MED27: variants seen among roughly 807,000 people sequenced by gnomAD.
MED27 encodes mediator complex subunit 27.
A neutral mutation model predicts 38.2 loss-of-function variants in MED27; 30 were observed. That is an observed-to-expected ratio of 0.79 (90% CI 0.59 to 1.07). The LOEUF (loss-of-function observed/expected upper bound fraction) is 1.07. MED27 is among the 50% of genes least tolerant of loss of function. MED27 has a pLI of 0.00. For synonymous variants in MED27, 122 were observed against 153.5 expected (o/e 0.79, Z 1.52); for missense variants, 289 against 397.5 (o/e 0.73, Z 2.32).
At chr9:131,980,217 G>A (rs1380175179) in intron 3 of MED27, among the ~76,000 whole-genome samples, 1 of 144,716 alleles carries the variant, frequency 6.9e-6, no homozygotes, top group Non-Finnish European at 1.5e-5. Context: ...TGGCGGGGGG[G>A]AGAGGGAGGA....
At chr9:132,022,418 G>A (rs1832736268) in intron 2 of MED27, among the ~76,000 whole-genome samples, 1 of 152,182 alleles carries the variant, frequency 6.6e-6, no homozygotes, top group Non-Finnish European at 1.5e-5. Context: ...TAGGACATTA[G>A]TTTTTAAACA....
intron 2 of MED27, among the ~76,000 whole-genome samples, chr9:132,071,521 C>T (rs1833936733): frequency 6.6e-6 from 1 of 151,908 alleles, no homozygotes; most frequent in African/African-American, 2.4e-5. Context: ...CATGAGCACA[C>T]ACACATGCGA....
At chr9:131,893,832 C>G in intron 5 of MED27, 53 bp downstream of exon 5, 1 of 1,310,002 alleles carries the variant, frequency 7.6e-7, no homozygotes, top group Non-Finnish European at 1.1e-6. Flanking sequence ...TTCGACTACA[C>G]TTGTTCTGGG....
intron 2 of MED27, among the ~76,000 whole-genome samples, chr9:132,042,240 G>A (rs1298271832): frequency 6.6e-6 from 1 of 152,202 alleles, no homozygotes; most frequent in Non-Finnish European, 1.5e-5. Flanking sequence ...ACTACCGGCA[G>A]CTACAGTTAT....
At chr9:131,992,427 T>A (rs1396928870) in intron 3 of MED27, among the ~76,000 whole-genome samples, 2 of 152,150 alleles carry the variant, frequency 1.3e-5, no homozygotes, top group Non-Finnish European at 2.9e-5. Flanking sequence ...GGAGTCTCAC[T>A]CTGTTGCCCA....
intron 4 of MED27, among the ~76,000 whole-genome samples, chr9:131,926,389 T>G (rs1830484356): frequency 1.3e-5 from 2 of 152,154 alleles, no homozygotes; most frequent in Non-Finnish European, 2.9e-5. Flanking sequence ...ATTCTCAAAA[T>G]GTACTCCACA....
rs140258207 is a variant in MED27, at chr9:132,027,276, A to G, written c.349-12809T>C. On this transcript the variant is annotated intron_variant, in intron 2 of 7. Coordinates refer to ENST00000292035, the MANE Select transcript of MED27 (RefSeq NM_004269.4). ...CACTCTGTGAGAAAGAAGAGAACGC[A>G]GGAGCCGTGTCCACAACCAGGCCTC... 2.6e-5 allele frequency among the ~76,000 whole-genome samples: 4 copies of G among 152,356 alleles called. No homozygotes were observed. In the East Asian group the frequency reaches 7.7e-4, roughly 29 times the overall value.
At chr9:132,077,155 A>G (rs546284159) in intron 2 of MED27, among the ~76,000 whole-genome samples, 2 of 152,346 alleles carry the variant, frequency 1.3e-5, no homozygotes, top group African/African-American at 4.8e-5. Context: ...CATACTGCAT[A>G]TAATTTTAAG....
At chr9:131,932,435 T>C (rs1341038534) in intron 4 of MED27, among the ~76,000 whole-genome samples, 1 of 146,892 alleles carries the variant, frequency 6.8e-6, no homozygotes, top group African/African-American at 2.5e-5. Context: ...AAAGGAGACA[T>C]TACAACTGAT....
At position 132,051,471 on chromosome 9, in the gene MED27, C is replaced by T. The variant is rs1044725040; in HGVS notation, c.348+25971G>A. On this transcript the variant is annotated intron_variant, in intron 2 of 7. Coordinates refer to ENST00000292035, the MANE Select transcript of MED27 (RefSeq NM_004269.4). This position sits in a 1 kb window ranked among gnomAD's most constrained non-coding sequence, Gnocchi z 4.2. Reference sequence around the variant, plus strand: ...TCTCACCCCATCACTAGAGCTGATGCTTTTCAAAGCCCTATCCCATCCCCT... The same window carrying T: ...TCTCACCCCATCACTAGAGCTGATGTTTTTCAAAGCCCTATCCCATCCCCT... Among the ~76,000 whole-genome samples, 2 of 152,144 alleles carry T rather than the reference C, an allele frequency of 1.3e-5. No homozygotes were observed. The highest frequency in any genetic ancestry group is 2.9e-5 in the Non-Finnish European group (2 of 68,030).
At chr9:132,021,875 C>T (rs1200104849) in intron 2 of MED27, among the ~76,000 whole-genome samples, 3 of 152,142 alleles carry the variant, frequency 2.0e-5, no homozygotes, top group Non-Finnish European at 4.4e-5. Flanking sequence ...AGAAGGTGAC[C>T]ATCTGCAAAC....
intron 3 of MED27, among the ~76,000 whole-genome samples, chr9:131,944,695 C>G (rs944725113): frequency 2.1e-4 from 32 of 151,982 alleles, no homozygotes; most frequent in African/African-American, 7.0e-4. Context: ...CCATGCCAGG[C>G]TGATTTTTGT....
At chr9:131,957,897 TA>T (rs78725916) in intron 3 of MED27, among the ~76,000 whole-genome samples, 3,116 of 129,002 alleles carry the variant, frequency 0.024, 96 homozygotes, top group African/African-American at 0.074. Flanking sequence ...TGTCTCTATT[TA>T]AAAAAAAAAA....
chr9:132,046,641 A>G (rs1370919816), intron 2 of MED27, among the ~76,000 whole-genome samples: 1 of 152,152 alleles, frequency 6.6e-6, no homozygotes, highest in Non-Finnish European at 1.5e-5. Flanking sequence ...CCCCCAAGCA[A>G]TCGTAGCAGT....
chr9:131,960,148 C>G (rs1831184772), intron 3 of MED27, among the ~76,000 whole-genome samples: 1 of 152,108 alleles, frequency 6.6e-6, no homozygotes, highest in Non-Finnish European at 1.5e-5. Context: ...CAGAATAGAA[C>G]AGATAAAAAC....
chr9:131,928,289 T>C (rs1830518224), intron 4 of MED27, among the ~76,000 whole-genome samples: 2 of 152,148 alleles, frequency 1.3e-5, no homozygotes, highest in African/African-American at 4.8e-5. Context: ...CTTAAAAATG[T>C]ATCCTGAGGT....
chr9:131,946,487 T>C (rs936738508), intron 3 of MED27, among the ~76,000 whole-genome samples: 1 of 152,220 alleles, frequency 6.6e-6, no homozygotes, highest in African/African-American at 2.4e-5. Context: ...CCTACCCCCA[T>C]GACTTCAGAG....
chr9:131,936,663 G>C (rs1830692239), intron 4 of MED27, among the ~76,000 whole-genome samples: 1 of 152,182 alleles, frequency 6.6e-6, no homozygotes, highest in Non-Finnish European at 1.5e-5. Flanking sequence ...TCCTGATCTT[G>C]TTCCTGACAT....
rs76920260 is a variant in MED27, at chr9:131,893,284, C to T, written c.681+601G>A. On this transcript the variant is annotated intron_variant, in intron 5 of 7. Coordinates refer to ENST00000292035, the MANE Select transcript of MED27 (RefSeq NM_004269.4). ...TGCAAACACAAATGAAGGCTGTCAG[C>T]TCCCATCAGCATCCTCTGATGCTCT... 5.5e-3 allele frequency among the ~76,000 whole-genome samples: 841 copies of T among 152,192 alleles called. 3 individuals carry two copies. Among genetic ancestry groups the T allele is most frequent in the African/African-American group, 0.019 (789 of 41,534 alleles).
Sources: allele counts gnomAD v4.1 joint callset (sites outside exome capture counted in the v4.1 genomes callset), GRCh38; gene constraint gnomAD v4.1.1; non-coding constraint Gnocchi (gnomAD v3.1); transcripts MANE v1.5; gene names NCBI Gene and HGNC (gene_info 2026-07-23, HGNC 2026-07-21).